The following SETX variants were observed in gnomAD, a reference collection of about 807,000 sequenced individuals.
SETX encodes the protein senataxin, also known as helicase senataxin.
A neutral mutation model predicts 227.2 loss-of-function variants in SETX; 90 were observed. The ratio of observed to expected loss-of-function variants is 0.40; its 90% CI spans 0.33 to 0.47. SETX has a LOEUF of 0.47. Ranked by LOEUF, SETX falls within the 20% of genes least tolerant of loss-of-function variation. The pLI, the probability that SETX is intolerant of heterozygous loss-of-function variation, is 0.91. For missense variants in SETX, 3,052 were observed against 3,181.5 expected (o/e 0.96, Z 0.98); for synonymous variants, 1,210 against 1,113.2 (o/e 1.09, Z -1.73).
upstream of SETX, among the ~76,000 whole-genome samples, chr9:132,355,227 G>A (rs1848851975): frequency 6.6e-6 from 1 of 152,080 alleles, no homozygotes; most frequent in Non-Finnish European, 1.5e-5. Flanking sequence ...GGGAGAGTTT[G>A]CCGCGGAACC....
chr9:132,310,816 G>A (rs1845605220), intron 11 of SETX, among the ~76,000 whole-genome samples: 2 of 152,174 alleles, frequency 1.3e-5, no homozygotes, highest in Non-Finnish European at 2.9e-5. Flanking sequence ...TACTGAGTGT[G>A]ACGATGATAA....
chr9:132,298,280 T>C lies in SETX; in HGVS notation c.5581A>G (p.Ile1861Val). Residue 1861 changes from isoleucine (I) to valine (V), a missense_variant, in exon 13 of 26, where the codon ATC (isoleucine) becomes GTC (valine). Physicochemically the swap from Ile to Val is conservative, Grantham distance 29 (BLOSUM62 3). Transcript: ENST00000224140. Reference protein sequence around the residue: ...RNGKTECYLSIQTQENFPANL... With the variant: ...RNGKTECYLSVQTQENFPANL... ...GCCGGAAAGTTCTCTTGAGTCTGGA[T>C]GGAAAGGTAACACTCAGTTTTCCCA... 2 of 1,614,084 alleles carry C rather than the reference T, an allele frequency of 1.2e-6. No homozygotes were observed. The highest frequency in any genetic ancestry group is 8.5e-7 in the Non-Finnish European group (1 of 1,179,980).
At chr9:132,268,290 G>A (rs1359697178) in intron 25 of SETX, among the ~76,000 whole-genome samples, 3 of 152,226 alleles carry the variant, frequency 2.0e-5, no homozygotes, top group Non-Finnish European at 4.4e-5. Context: ...GAGGTGGGAT[G>A]ACTTTAGCCC....
intron 4 of SETX, among the ~76,000 whole-genome samples, chr9:132,345,961 G>C (rs1259595828): frequency 6.6e-6 from 1 of 152,198 alleles, no homozygotes; most frequent in Non-Finnish European, 1.5e-5. Context: ...AGAGGCTGCA[G>C]TGGGCCATGA....
At chr9:132,300,833 A>AT in intron 11 of SETX, 30 bp from the exon 12 acceptor site, 1 of 1,574,316 alleles carries the variant, frequency 6.4e-7, no homozygotes, top group South Asian at 1.1e-5. Flanking sequence ...CGGAATTCAT[A>AT]TAACTCTAAT....
chr9:132,329,263 T>C lies in SETX; in HGVS notation c.2335A>G (p.Lys779Glu), dbSNP rs1192140040. 1.1e-5 allele frequency: 17 copies of C among 1,613,796 alleles called. No homozygotes were observed. The Admixed American group carries it at 2.3e-4, about 22-fold the overall frequency. The change falls in exon 10 of 26, where the codon AAA becomes GAA. Residue 779 changes from lysine to glutamate, a missense_variant. Lys to Glu is a moderately conservative substitution (Grantham distance 56, BLOSUM62 1). This residue lies in a region of SETX where 1,483 missense variants were observed against 1,312.0 expected (regional missense o/e 1.13). Coordinates refer to ENST00000224140, the MANE Select transcript of SETX (RefSeq NM_015046.7). Reference protein sequence around the residue: ...DDALAKTSKRKTKVQKDEICA... With the variant: ...DDALAKTSKRETKVQKDEICA... Reference sequence around the variant, plus strand: ...ATTTCATCTTTCTGTACCTTAGTTTTTCGTTTTGAGGTTTTAGCAAGAGCA... The same window carrying C: ...ATTTCATCTTTCTGTACCTTAGTTTCTCGTTTTGAGGTTTTAGCAAGAGCA...
chr9:132,274,575 G>A (rs939892617), intron 23 of SETX, among the ~76,000 whole-genome samples: 3 of 151,786 alleles, frequency 2.0e-5, no homozygotes, highest in African/African-American at 7.3e-5. Context: ...CCGAGTAGCA[G>A]GGACTACGGG....
chr9:132,315,734 T>C (rs924432371), intron 10 of SETX, among the ~76,000 whole-genome samples: 1 of 152,216 alleles, frequency 6.6e-6, no homozygotes, highest in Non-Finnish European at 1.5e-5. Flanking sequence ...ACCTCCTTGC[T>C]GTTATTCTTC....
Position 132,264,794 on chromosome 9 carries a change from G to A in SETX, c.7479C>T (p.Ser2493=), listed in dbSNP as rs779814820. The A allele has an allele frequency of 3.7e-6, 6 of 1,614,210 alleles. No individual in the cohort carries two copies. The South Asian group carries it at 6.6e-5, about 18-fold the overall frequency. ...TCTTGGCAAATCCACTGTCTAGCTTGCTGCTGGGCAAACCACCCTGGGGTC... is the reference window on the plus strand; with the variant it reads ...TCTTGGCAAATCCACTGTCTAGCTTACTGCTGGGCAAACCACCCTGGGGTC... ...GSRPQGGLPS[S]KLDSGFAKTS... The change falls in exon 26 of 26, where the codon AGC becomes AGT. Residue 2493 remains serine, a synonymous_variant. Coordinates refer to ENST00000224140, the MANE Select transcript of SETX (RefSeq NM_015046.7).
chr9:132,302,017 C>A (rs1244325325), intron 11 of SETX, among the ~76,000 whole-genome samples: 1 of 152,174 alleles, frequency 6.6e-6, no homozygotes, highest in Non-Finnish European at 1.5e-5. Context: ...AAAATGTCAG[C>A]TGTCCCCAAA....
intron 25 of SETX, 71 bp downstream of exon 25, chr9:132,269,544 G>A (rs1842797719): frequency 6.2e-7 from 1 of 1,608,984 alleles, no homozygotes; most frequent in Non-Finnish European, 8.5e-7. Context: ...ACACTTTGAT[G>A]GAAAATAAGA....
At position 132,327,938 on chromosome 9, in the gene SETX, T is replaced by C. The variant is rs746988150; in HGVS notation, c.3660A>G (p.Gln1220=). 3.1e-6 allele frequency: 5 copies of C among 1,614,148 alleles called. No homozygotes were observed. Among genetic ancestry groups the C allele is most frequent in the East Asian group, 2.2e-5 (1 of 44,890 alleles). The stretch of plus-strand genomic sequence containing the variant: ...AAGTACAAAGCTTTGAAGACTTCTT[T>C]TGTGAAACCGTAGTGGCTCTCTGAA... ...SRIQRATTVS[Q]KKSSKLCTCT... Residue 1220 remains glutamine, a synonymous_variant, in exon 10 of 26, where the codon CAA becomes CAG. Coordinates refer to ENST00000224140, the MANE Select transcript of SETX (RefSeq NM_015046.7).
At chr9:132,339,714 G>A (rs945567359) in intron 5 of SETX, among the ~76,000 whole-genome samples, 3 of 152,122 alleles carry the variant, frequency 2.0e-5, no homozygotes, top group African/African-American at 4.8e-5. Context: ...CCGGGTTCAA[G>A]CAATTCTCCT....
chr9:132,351,558 G>A lies in SETX; in HGVS notation c.-8+2091C>T, dbSNP rs140270614. Among the ~76,000 whole-genome samples, 104 of 152,300 alleles carry A rather than the reference G, an allele frequency of 6.8e-4. 1 individual carries two copies. The highest frequency in any genetic ancestry group is 2.5e-3 in the African/African-American group (104 of 41,560). ...AAATAGGTGAGTGTCATGGCCGCTA[G>A]AAGATAACGGAGAATACTGCTGCAG... On this transcript the variant is annotated intron_variant, in intron 2 of 25. Transcript: ENST00000224140.
chr9:132,264,147 T>C lies in SETX; in HGVS notation c.*92A>G. On this transcript the variant is annotated 3_prime_UTR_variant, in exon 26 of 26. Transcript: ENST00000224140. Reference sequence around the variant, plus strand: ...GTTTTCCAACAGCACACAAACTCCTTACAAAAAACAAGCTTATCTAGATGG... The same window carrying C: ...GTTTTCCAACAGCACACAAACTCCTCACAAAAAACAAGCTTATCTAGATGG... The C allele has an allele frequency of 1.3e-6, 2 of 1,579,028 alleles. No homozygotes were observed. The highest frequency in any genetic ancestry group is 8.6e-7 in the Non-Finnish European group (1 of 1,159,004).
chr9:132,285,919 ACG>A lies in SETX; in HGVS notation c.6396+502_6396+503del, dbSNP rs542782460. On this transcript the variant is annotated intron_variant, in intron 18 of 25. Coordinates refer to ENST00000224140, the MANE Select transcript of SETX (RefSeq NM_015046.7). ...CAAAAGAGGCCAGGTGTGGTGCCTCACGCCTGTAATCCCAGCACTTTGAGGGA... is the reference window on the plus strand; with the variant it reads ...CAAAAGAGGCCAGGTGTGGTGCCTCACCTGTAATCCCAGCACTTTGAGGGA... 4.6e-3 allele frequency among the ~76,000 whole-genome samples: 684 copies of A among 148,676 alleles called. 5 individuals are homozygous for A. Among genetic ancestry groups the A allele is most frequent in the African/African-American group, 0.016 (656 of 40,146 alleles).
chr9:132,332,858 C>T (rs1428369863), intron 7 of SETX, among the ~76,000 whole-genome samples: 1 of 147,464 alleles, frequency 6.8e-6, no homozygotes, highest in African/African-American at 2.5e-5. Context: ...GAGGTTAAGG[C>T]TGCAGTGAGA....
intron 5 of SETX, among the ~76,000 whole-genome samples, chr9:132,337,911 C>A (rs753039244): frequency 1.3e-5 from 2 of 152,076 alleles, no homozygotes; most frequent in African/African-American, 4.8e-5. Context: ...TGGGACAGCA[C>A]CTTCACCGAA....
chr9:132,311,553 C>T (rs1161090109), intron 11 of SETX, among the ~76,000 whole-genome samples: 1 of 152,094 alleles, frequency 6.6e-6, no homozygotes, highest in African/African-American at 2.4e-5. Context: ...ATTCTAACTA[C>T]AGAGTGGGGA....
Sources: allele counts gnomAD v4.1 joint callset (sites outside exome capture counted in the v4.1 genomes callset), GRCh38; gene constraint gnomAD v4.1.1; regional missense constraint gnomAD v4.1.1; transcripts MANE v1.5; gene names NCBI Gene and HGNC (gene_info 2026-07-23, HGNC 2026-07-21).